The following PRPS1 variants were observed in gnomAD, a reference collection of about 807,000 sequenced individuals.
PRPS1 encodes phosphoribosyl pyrophosphate synthetase 1.
PRPS1 carries 1 observed loss-of-function variant against 16.9 expected under a neutral mutation model. The ratio of observed to expected loss-of-function variants is 0.06; its 90% CI spans 0.02 to 0.28. PRPS1 has a LOEUF of 0.28. Among genes scored for constraint, PRPS1 ranks in the 10% least tolerant of loss-of-function variants. PRPS1 has a pLI of 1.00. For synonymous variants in PRPS1, 70 were observed against 90.2 expected, an observed-to-expected ratio of 0.78 and a Z score of 1.27; for missense variants, 47 against 254.0, an observed-to-expected ratio of 0.19 and a Z score of 5.54.
intron 1 of PRPS1, among the ~76,000 whole-genome samples, chrX:107,629,683 G>T (rs1925265806): frequency 8.9e-6 from 1 of 111,843 alleles, no homozygotes; most frequent in Non-Finnish European, 1.9e-5. Flanking sequence ...TTTTTCCATT[G>T]CCTTGCCAGT....
At position 107,637,946 on chromosome X, in the gene PRPS1, A is replaced by T. The variant is rs759817033; in HGVS notation, c.123-1349A>T. Among the ~76,000 whole-genome samples the T allele has an allele frequency of 9.0e-3, 933 of 104,073 alleles. 12 individuals carry two copies. Among genetic ancestry groups the T allele is most frequent in the African/African-American group, 0.031 (877 of 28,365 alleles). The allele number at this position is 104,073 out of a possible 115,157, so 90.4% of individuals were successfully genotyped here. A position where few individuals can be genotyped will look rare whatever the true frequency, so the allele number is the denominator to read the frequency against. ...GTAATATAAATATATATATATATAT[A>T]TATATTTTTTTGATATGGAGTCTTG... On this transcript the variant is annotated intron_variant, in intron 1 of 6. Transcript: ENST00000372435.
At chrX:107,636,704 C>A (rs1464843025) in intron 1 of PRPS1, 2 of 112,094 alleles carry the variant, frequency 1.8e-5, no homozygotes, top group African/African-American at 6.5e-5. Context: ...TCCCAGCTCC[C>A]TTTCATCTTG....
rs1723317929 is a variant in PRPS1 at position 107,645,042 on chromosome X, C to G, written c.531-135C>G. On this transcript the variant is annotated intron_variant, in intron 4 of 6. Coordinates refer to ENST00000372435, the MANE Select transcript of PRPS1 (RefSeq NM_002764.4). ...TGTTAGCCAGGATGGTCTCTATCTC[C>G]TGACCTTGTGATCCGCCCACCTCAG... is the stretch of plus-strand genomic sequence containing the variant. The G allele has an allele frequency of 4.4e-6, 3 of 684,213 alleles. No individual in the cohort carries two copies. The South Asian group carries it at 6.6e-5, about 15-fold the overall frequency. 56.4% of individuals were successfully genotyped at this position (684,213 alleles called of 1,213,427 possible).
intron 1 of PRPS1, among the ~76,000 whole-genome samples, chrX:107,636,260 C>T (rs1369914687): frequency 1.8e-5 from 2 of 109,341 alleles, no homozygotes; most frequent in Non-Finnish European, 1.9e-5. Context: ...GTAGCTGGGA[C>T]TACAGATGCA....
chrX:107,636,497 A>G (rs2147679736), intron 1 of PRPS1: 1 of 111,964 alleles, frequency 8.9e-6, no homozygotes, highest in Admixed American at 9.4e-5. Context: ...CTTGATTTTA[A>G]TTGGTTTCTA....
At chrX:107,634,838 T>G (rs1925394999) in intron 1 of PRPS1, among the ~76,000 whole-genome samples, 1 of 106,781 alleles carries the variant, frequency 9.4e-6, no homozygotes, top group South Asian at 4.1e-4. Flanking sequence ...GTTTTTTGTT[T>G]TTTTTTTTTT....
chrX:107,650,130 C>T lies in PRPS1; in HGVS notation c.*98C>T. 2.6e-5 allele frequency: 31 copies of T among 1,190,393 alleles called. No individual in the cohort carries two copies. Among genetic ancestry groups the T allele is most frequent in the Admixed American group, 4.5e-5 (2 of 44,114 alleles). On this transcript the variant is annotated 3_prime_UTR_variant, in exon 7 of 7. Coordinates refer to ENST00000372435, the MANE Select transcript of PRPS1 (RefSeq NM_002764.4). ...ATTCAGCAGAAGACCCGGCTTGCTC[C>T]AGTGTAGCTTTCTACATCCCACATC... is the stretch of plus-strand genomic sequence containing the variant.
At chrX:107,633,281 G>A (rs761480846) in intron 1 of PRPS1, among the ~76,000 whole-genome samples, 41 of 109,578 alleles carry the variant, frequency 3.7e-4, no homozygotes, top group Admixed American at 3.4e-3. Context: ...AATTAGCTGG[G>A]CATGGTGGCA....
intron 4 of PRPS1, 185 bp downstream of exon 4, chrX:107,642,675 G>A (rs1925601946): frequency 2.0e-6 from 1 of 497,826 alleles, no homozygotes; most frequent in African/African-American, 2.4e-5. Flanking sequence ...TTACTACTCG[G>A]AAGACAAGAC....
At chrX:107,645,104 G>A in intron 4 of PRPS1, 73 bp from the exon 5 acceptor site, 9 of 1,156,612 alleles carry the variant, frequency 7.8e-6, no homozygotes, top group Admixed American at 2.2e-5. Context: ...GTGAGCCACC[G>A]CCCCCGGCCT....
At chrX:107,647,845 T>C (rs1748025305) in intron 6 of PRPS1, 80 bp downstream of exon 6, 1 of 1,045,983 alleles carries the variant, frequency 9.6e-7, no homozygotes, top group Non-Finnish European at 1.3e-6. Context: ...GGTCTCTGGA[T>C]TCTGAAGATA....
chrX:107,634,522 C>T (rs1345216287), intron 1 of PRPS1, among the ~76,000 whole-genome samples: 1 of 110,204 alleles, frequency 9.1e-6, no homozygotes, highest in Non-Finnish European at 1.9e-5. Context: ...CGTGAGCCAC[C>T]GCCCCAGCCT....
chrX:107,647,732 G>A lies in PRPS1; in HGVS notation c.831G>A (p.Gln277=), dbSNP rs2147686106. 1 of 1,211,603 alleles carries A rather than the reference G, an allele frequency of 8.3e-7. No homozygotes were observed. The highest frequency in any genetic ancestry group is 3.0e-5 in the East Asian group (1 of 33,850). ...EAVVVTNTIP[Q]EDKMKHCSKI... ...TAGTAGTCACCAATACCATACCTCAGGAGGACAAGATGAAGCATTGCTCCA... is the reference window on the plus strand; with the variant it reads ...TAGTAGTCACCAATACCATACCTCAAGAGGACAAGATGAAGCATTGCTCCA... Residue 277 remains glutamine (Q), a synonymous_variant, in exon 6 of 7, where the codon CAG becomes CAA. Coordinates refer to ENST00000372435, the MANE Select transcript of PRPS1 (RefSeq NM_002764.4).
At position 107,650,936 on chromosome X, in the gene PRPS1, G is replaced by C. The variant is rs1925816144; in HGVS notation, c.*904G>C. ...TCATCTTCCTTCTTTGGATCTATTT[G>C]GCCTCTCAAATGAACTGAGATTCCT... is the stretch of plus-strand genomic sequence containing the variant. On this transcript the variant is annotated 3_prime_UTR_variant, in exon 7 of 7. Transcript: ENST00000372435. The C allele has an allele frequency of 8.1e-6, 2 of 246,003 alleles. No homozygotes were observed. Among genetic ancestry groups the C allele is most frequent in the African/African-American group, 5.6e-5 (2 of 35,627 alleles). The allele number at this position is 246,003 out of a possible 1,213,427, so 20.3% of individuals were successfully genotyped here. A position where few individuals can be genotyped will look rare whatever the true frequency, so the allele number is the denominator to read the frequency against.
chrX:107,649,166 C>A (rs1468685581), intron 6 of PRPS1, among the ~76,000 whole-genome samples: 2 of 111,427 alleles, frequency 1.8e-5, no homozygotes, highest in Non-Finnish European at 3.8e-5. Context: ...CTCACTGCAG[C>A]CTCAAACTCC....
At chrX:107,638,109 T>C (rs765575661) in intron 1 of PRPS1, among the ~76,000 whole-genome samples, 1 of 108,590 alleles carries the variant, frequency 9.2e-6, no homozygotes, top group Non-Finnish European at 1.9e-5. Context: ...CAGCTAATTT[T>C]TTTTTTTTAT....
intron 2 of PRPS1, 141 bp from the exon 3 acceptor site, chrX:107,640,761 T>C (rs1925555475): frequency 8.1e-6 from 5 of 615,917 alleles, no homozygotes; most frequent in African/African-American, 2.2e-5. Flanking sequence ...TTAAAGTCAA[T>C]GGACATGTCT....
chrX:107,647,853 A>G, intron 6 of PRPS1, 88 bp downstream of exon 6: 3 of 1,018,666 alleles, frequency 2.9e-6, no homozygotes, highest in South Asian at 2.0e-5. Context: ...GATTCTGAAG[A>G]TATCTTTCTT....
At chrX:107,631,833 C>T (rs1925312958) in intron 1 of PRPS1, among the ~76,000 whole-genome samples, 1 of 111,727 alleles carries the variant, frequency 9.0e-6, no homozygotes, top group Non-Finnish European at 1.9e-5. Flanking sequence ...ATTACAGGCA[C>T]GTGCCACCAC....
Sources: gnomAD v4.1 joint callset for allele counts (sites outside exome capture counted in the v4.1 genomes callset) on GRCh38, gnomAD v4.1.1 for gene constraint, MANE v1.5 for transcripts, NCBI Gene and HGNC (gene_info 2026-07-23, HGNC 2026-07-21) for gene names.